LZTFL1: variants seen among roughly 807,000 people sequenced by gnomAD.
LZTFL1 encodes the protein leucine zipper transcription factor like 1, also known as leucine zipper transcription factor-like protein 1.
LZTFL1 carries 25 observed loss-of-function variants against 45.9 expected under a neutral mutation model. The ratio of observed to expected loss-of-function variants is 0.54; its 90% CI spans 0.40 to 0.76. LZTFL1 has a LOEUF of 0.76. Ranked by LOEUF, LZTFL1 falls within the 30% of genes least tolerant of loss-of-function variation. The pLI, the probability that LZTFL1 is intolerant of heterozygous loss-of-function variation, is 0.00. For synonymous variants in LZTFL1, 93 were observed against 117.4 expected (o/e 0.79, Z 1.35); for missense variants, 277 against 331.1 (o/e 0.84, Z 1.27).
intron 2 of LZTFL1, among the ~76,000 whole-genome samples, chr3:45,909,898 G>C (rs1385755871): frequency 3.3e-5 from 5 of 152,230 alleles, no homozygotes; most frequent in Non-Finnish European, 1.5e-5. Flanking sequence ...GATGTTGCCT[G>C]AGACAAGGTG....
At chr3:45,908,010 A>G (rs2125770779) in intron 2 of LZTFL1, among the ~76,000 whole-genome samples, 1 of 152,376 alleles carries the variant, frequency 6.6e-6, no homozygotes, top group South Asian at 2.1e-4. Context: ...GAACAGCTGC[A>G]GACAGTGAGT....
chr3:45,838,089 A>G (rs1193496503), intron 1 of LZTFL1, 38 bp from the exon 2 acceptor site: 1 of 1,562,866 alleles, frequency 6.4e-7, no homozygotes, highest in Non-Finnish European at 8.6e-7. Context: ...TTAGTTTTGA[A>G]GATCTGATCA....
At chr3:45,897,000 C>A (rs1486714415) in intron 2 of LZTFL1, among the ~76,000 whole-genome samples, 1 of 152,186 alleles carries the variant, frequency 6.6e-6, no homozygotes, top group African/African-American at 2.4e-5. Context: ...TGGGTGTTCA[C>A]AACTGGGACG....
chr3:45,897,991 A>AC (rs938199587), intron 2 of LZTFL1, among the ~76,000 whole-genome samples: 23 of 151,698 alleles, frequency 1.5e-4, no homozygotes, highest in Non-Finnish European at 2.8e-4. Context: ...AAAAAAAAAA[A>AC]AACACACAAA....
chr3:45,854,952 A>T, intron 4 of LZTFL1: 2 of 1,435,146 alleles, frequency 1.4e-6, no homozygotes, highest in East Asian at 2.5e-5. Flanking sequence ...ACCAAAACAT[A>T]ATTATAATAT....
At chr3:45,863,583 G>A (rs1701528648) in intron 2 of LZTFL1, among the ~76,000 whole-genome samples, 1 of 152,228 alleles carries the variant, frequency 6.6e-6, no homozygotes, top group South Asian at 2.1e-4. Flanking sequence ...CTGGGGTCAT[G>A]AATTCCGATG....
chr3:45,861,239 C>T (rs989473716), intron 2 of LZTFL1, among the ~76,000 whole-genome samples: 5 of 151,312 alleles, frequency 3.3e-5, no homozygotes, highest in African/African-American at 1.2e-4. Context: ...CCAAAAACTC[C>T]CTTCCAGATC....
chr3:45,837,803 C>T (rs2125689529), intron 2 of LZTFL1, 124 bp downstream of exon 2: 2 of 1,062,920 alleles, frequency 1.9e-6, no homozygotes, highest in African/African-American at 1.6e-5. Flanking sequence ...TGTAGCTGCT[C>T]TTAGCAAATA....
intron 2 of LZTFL1, among the ~76,000 whole-genome samples, chr3:45,865,862 G>C (rs1381974160): frequency 6.6e-6 from 1 of 152,124 alleles, no homozygotes; most frequent in Non-Finnish European, 1.5e-5. Context: ...AGCGTTGTCT[G>C]TAATAACCGA....
chr3:45,882,038 A>C lies in LZTFL1; in HGVS notation c.-214-23022T>G, dbSNP rs181466436. Among the ~76,000 whole-genome samples the C allele has an allele frequency of 9.8e-5, 15 of 152,376 alleles. No homozygotes were observed. The East Asian group carries it at 2.7e-3, about 27-fold the overall frequency. On this transcript the variant is annotated intron_variant, in intron 2 of 4. Coordinates refer to the LZTFL1 transcript ENST00000472635. ...TCATGTTCACTAGCTATATGTGGCC[A>C]CACACTGGACAGATAGCTATAGAAT...
chr3:45,904,627 C>G (rs1393290883), intron 2 of LZTFL1, among the ~76,000 whole-genome samples: 3 of 152,330 alleles, frequency 2.0e-5, no homozygotes, highest in Admixed American at 6.5e-5. Context: ...TCCCCCAGGC[C>G]ATCGCCATTG....
At chr3:45,883,451 G>C (rs1363357251) in intron 2 of LZTFL1, among the ~76,000 whole-genome samples, 2 of 152,204 alleles carry the variant, frequency 1.3e-5, no homozygotes, top group East Asian at 3.8e-4. Context: ...CAATTTCTTG[G>C]ACATAATTCT....
intron 4 of LZTFL1, among the ~76,000 whole-genome samples, chr3:45,851,579 A>ACTCATTTCTCTTTGG (rs1701310906): frequency 6.6e-6 from 1 of 151,514 alleles, no homozygotes; most frequent in African/African-American, 2.4e-5. Flanking sequence ...CTTCTCTTTG[A>ACTCATTTCTCTTTGG]CTCATTTCTC....
chr3:45,832,363 A>C (rs1700850173), intron 5 of LZTFL1, among the ~76,000 whole-genome samples: 1 of 152,196 alleles, frequency 6.6e-6, no homozygotes. Context: ...AATAGCTGAA[A>C]TCTGAAATGC....
At chr3:45,855,265 A>G (rs1701372707) in intron 3 of LZTFL1, among the ~76,000 whole-genome samples, 1 of 152,226 alleles carries the variant, frequency 6.6e-6, no homozygotes, top group Admixed American at 6.5e-5. Flanking sequence ...AACATATGCA[A>G]ATCAATAAGT....
chr3:45,836,312 A>C (rs1386867735), intron 2 of LZTFL1, among the ~76,000 whole-genome samples: 1 of 152,142 alleles, frequency 6.6e-6, no homozygotes, highest in East Asian at 1.9e-4. Flanking sequence ...TTAAAGTTCT[A>C]CTGAACACTC....
intron 2 of LZTFL1, chr3:45,895,083 G>A (rs890014606): frequency 2.0e-6 from 2 of 992,156 alleles, no homozygotes; most frequent in Admixed American, 1.7e-5. Flanking sequence ...ATCTCTGCCT[G>A]GCAATGCGCA....
intron 2 of LZTFL1, among the ~76,000 whole-genome samples, chr3:45,879,918 T>C (rs946387038): frequency 3.3e-5 from 5 of 152,352 alleles, no homozygotes; most frequent in African/African-American, 1.2e-4. Flanking sequence ...TGAATAATGA[T>C]GGTCATCACT....
At chr3:45,872,797 G>A (rs1405671975) in intron 2 of LZTFL1, among the ~76,000 whole-genome samples, 1 of 152,174 alleles carries the variant, frequency 6.6e-6, no homozygotes, top group Non-Finnish European at 1.5e-5. Flanking sequence ...GATGGGGGAG[G>A]GGATTCCAGA....
Sources: gnomAD v4.1 joint callset for allele counts (sites outside exome capture counted in the v4.1 genomes callset) on GRCh38, gnomAD v4.1.1 for gene constraint, MANE v1.5 for transcripts, NCBI Gene and HGNC (gene_info 2026-07-23, HGNC 2026-07-21) for gene names.